DPF3: variants seen among roughly 807,000 people sequenced by gnomAD.
The protein encoded by DPF3 is double PHD fingers 3.
A neutral mutation model predicts 56.8 loss-of-function variants in DPF3; 18 were observed. That is an observed-to-expected ratio of 0.32 (90% CI 0.22 to 0.47). The LOEUF (loss-of-function observed/expected upper bound fraction) is 0.47, where lower values mean the gene tolerates loss of function less well. Among genes scored for constraint, DPF3 ranks in the 20% least tolerant of loss-of-function variants. The probability of loss-of-function intolerance (pLI) is 1.00; values close to 1 mark genes in which losing one functional copy is unlikely to be tolerated. For missense variants in DPF3, 403 were observed against 488.8 expected (o/e 0.82, Z 1.65); for synonymous variants, 188 against 180.2 (o/e 1.04, Z -0.35).
At chr14:72,714,316 G>C in intron 6 of DPF3, 107 bp downstream of exon 6, 2 of 1,378,768 alleles carry the variant, frequency 1.5e-6, no homozygotes, top group African/African-American at 1.4e-5. Flanking sequence ...AGGAAGAGGA[G>C]AGCACACACT....
intron 9 of DPF3, among the ~76,000 whole-genome samples, chr14:72,621,958 G>A (rs1018061870): frequency 5.3e-5 from 8 of 152,224 alleles, no homozygotes; most frequent in Non-Finnish European, 7.3e-5. Flanking sequence ...GGATGACCTG[G>A]AGGCTGTTGA....
At chr14:72,773,478 C>T (rs2139947699) in intron 1 of DPF3, among the ~76,000 whole-genome samples, 1 of 152,258 alleles carries the variant, frequency 6.6e-6, no homozygotes, top group East Asian at 1.9e-4. Flanking sequence ...TAAAATTTCC[C>T]ATCTTAAGTG....
intron 7 of DPF3, chr14:72,679,360 T>A (rs971821126): frequency 6.6e-6 from 1 of 152,440 alleles, no homozygotes; most frequent in African/African-American, 2.4e-5. Flanking sequence ...CACAAAAGCA[T>A]GGCCTCACAT....
intron 6 of DPF3, among the ~76,000 whole-genome samples, chr14:72,712,850 G>A (rs374139116): frequency 1.3e-5 from 2 of 152,356 alleles, no homozygotes; most frequent in East Asian, 3.9e-4. Context: ...ACTCCAGCCT[G>A]GGTGACAACG....
intron 1 of DPF3, among the ~76,000 whole-genome samples, chr14:72,843,347 C>T (rs1884627462): frequency 1.3e-5 from 2 of 151,868 alleles, no homozygotes; most frequent in African/African-American, 4.8e-5. Context: ...GTTTTGCTTC[C>T]CTTAAAAAAA....
chr14:72,850,590 C>T (rs1354117429), intron 1 of DPF3, among the ~76,000 whole-genome samples: 1 of 152,214 alleles, frequency 6.6e-6, no homozygotes, highest in Non-Finnish European at 1.5e-5. Context: ...TGCCCCAATG[C>T]CTTGGGCATG....
At chr14:72,749,205 C>T (rs1243260301) in intron 3 of DPF3, among the ~76,000 whole-genome samples, 1 of 152,248 alleles carries the variant, frequency 6.6e-6, no homozygotes. Context: ...CCTCTTGCAT[C>T]AGCATGACCT....
rs1040292997 is a variant in DPF3 at position 72,609,928 on chromosome 14, G to A, written c.*9369C>T. Reference sequence around the variant, plus strand: ...AAACCTCATCTGCAAGAGGCAATGCGGCGTTGGGTCCCAAGGATCAGTGGG... The same window carrying A: ...AAACCTCATCTGCAAGAGGCAATGCAGCGTTGGGTCCCAAGGATCAGTGGG... On this transcript the variant is annotated 3_prime_UTR_variant, in exon 11 of 11. Coordinates refer to ENST00000556509, the MANE Select transcript of DPF3 (RefSeq NM_001280542.3). Among the ~76,000 whole-genome samples the A allele has an allele frequency of 2.0e-5, 3 of 152,192 alleles. No individual in the cohort carries two copies. Among genetic ancestry groups the A allele is most frequent in the East Asian group, 1.9e-4 (1 of 5,200 alleles).
intron 1 of DPF3, among the ~76,000 whole-genome samples, chr14:72,887,871 A>T (rs1436801325): frequency 6.6e-6 from 1 of 152,204 alleles, no homozygotes; most frequent in Non-Finnish European, 1.5e-5. Context: ...GACGGGTTTC[A>T]TCAATAGCAG....
Position 72,611,027 on chromosome 14 carries a change from C to T in DPF3, c.*8270G>A, listed in dbSNP as rs1883690961. 6.6e-6 allele frequency among the ~76,000 whole-genome samples: 1 copy of T among 152,220 alleles called. No homozygotes were observed. Among genetic ancestry groups the T allele is most frequent in the Admixed American group, 6.5e-5 (1 of 15,278 alleles). On this transcript the variant is annotated 3_prime_UTR_variant, in exon 11 of 11. Coordinates refer to ENST00000556509, the MANE Select transcript of DPF3 (RefSeq NM_001280542.3). ...CCAGACTCACAGCCAAGCCTTGTGT[C>T]CCTGACTACCTCCACAGAGATCACC...
chr14:72,683,652 G>A (rs958541501), intron 7 of DPF3, among the ~76,000 whole-genome samples: 5 of 152,154 alleles, frequency 3.3e-5, no homozygotes, highest in Non-Finnish European at 5.9e-5. Context: ...AAGCAACCGC[G>A]CACCTGAGGG....
chr14:72,853,754 C>T lies in DPF3; in HGVS notation c.32+40303G>A, dbSNP rs1221947416. The stretch of plus-strand genomic sequence containing the variant: ...ACCTGGGATTACAGGCATGAGCCAC[C>T]ATGCCCGGCCTGCTACCTTTTTTAC... On this transcript the variant is annotated intron_variant, in intron 1 of 10. Transcript: ENST00000556509. 2.0e-5 allele frequency among the ~76,000 whole-genome samples: 3 copies of T among 152,270 alleles called. No individual in the cohort carries two copies. The East Asian group carries it at 5.8e-4, about 29-fold the overall frequency.
In DPF3 at chr14:72,790,835, T is replaced by C. The variant is rs1204665938; in HGVS notation, c.33-18942A>G. Reference sequence around the variant, plus strand: ...TCAAGAGCCCCATCGCCTCTTTCTCTGGCCTCTGTGTGCTGGCTCTCCTCC... The same window carrying C: ...TCAAGAGCCCCATCGCCTCTTTCTCCGGCCTCTGTGTGCTGGCTCTCCTCC... On this transcript the variant is annotated intron_variant, in intron 1 of 10. Coordinates refer to ENST00000556509, the MANE Select transcript of DPF3 (RefSeq NM_001280542.3). 8.5e-5 allele frequency among the ~76,000 whole-genome samples: 13 copies of C among 152,310 alleles called. No individual in the cohort carries two copies. The South Asian group carries it at 2.5e-3, about 29-fold the overall frequency.
At chr14:72,719,633 A>C (rs1030376493) in intron 5 of DPF3, among the ~76,000 whole-genome samples, 2 of 152,228 alleles carry the variant, frequency 1.3e-5, no homozygotes, top group South Asian at 2.1e-4. Flanking sequence ...ATGAATTTTA[A>C]AGAGCTTTGA....
At chr14:72,662,790 T>C in intron 8 of DPF3, 2 of 987,294 alleles carry the variant, frequency 2.0e-6, no homozygotes, top group Non-Finnish European at 2.4e-6. Context: ...TCTTCGGAAA[T>C]GGCTTGCTTG....
intron 8 of DPF3, among the ~76,000 whole-genome samples, chr14:72,638,433 T>C (rs550725938): frequency 1.3e-5 from 2 of 152,302 alleles, no homozygotes; most frequent in African/African-American, 4.8e-5. Flanking sequence ...AAAGAAACCA[T>C]TGCTTAGATT....
intron 9 of DPF3, among the ~76,000 whole-genome samples, chr14:72,625,266 T>G (rs1483742199): frequency 6.6e-6 from 1 of 152,180 alleles, no homozygotes; most frequent in African/African-American, 2.4e-5. Flanking sequence ...TTCTCCTCTG[T>G]TTACTTATTT....
At chr14:72,824,622 TA>T (rs1475888248) in intron 1 of DPF3, among the ~76,000 whole-genome samples, 1 of 151,268 alleles carries the variant, frequency 6.6e-6, no homozygotes, top group Non-Finnish European at 1.5e-5. Flanking sequence ...GGCTGGAGTG[TA>T]ATAGCGCCAT....
intron 8 of DPF3, among the ~76,000 whole-genome samples, chr14:72,636,841 T>C (rs553919284): frequency 2.6e-5 from 4 of 152,136 alleles, no homozygotes; most frequent in Admixed American, 6.5e-5. Context: ...TTTATTGCAC[T>C]TCAAAGAGGA....
Sources: allele counts gnomAD v4.1 joint callset (sites outside exome capture counted in the v4.1 genomes callset), GRCh38; gene constraint gnomAD v4.1.1; transcripts MANE v1.5; gene names NCBI Gene and HGNC (gene_info 2026-07-23, HGNC 2026-07-21).